The following HFM1 variants were observed in gnomAD, a reference collection of about 807,000 sequenced individuals.
HFM1 encodes the protein helicase for meiosis 1.
Under a neutral mutation model 192.1 loss-of-function variants are expected in HFM1, and 169 were observed. The observed-to-expected ratio is 0.88, with a 90% CI of 0.78 to 1.00. The LOEUF (loss-of-function observed/expected upper bound fraction) is 1.00, where lower values mean the gene tolerates loss of function less well. HFM1 is among the 50% of genes least tolerant of loss of function. The probability of loss-of-function intolerance (pLI) is 0.00; values close to 1 mark genes in which losing one functional copy is unlikely to be tolerated. For synonymous variants in HFM1, 525 were observed against 537.8 expected, an observed-to-expected ratio of 0.98 and a Z score of 0.33; for missense variants, 1,661 against 1,668.0, an observed-to-expected ratio of 1.00 and a Z score of 0.07.
Position 91,344,546 on chromosome 1 carries a change from A to C in HFM1, c.2255-1036T>G, listed in dbSNP as rs1655850603. On this transcript the variant is annotated intron_variant, in intron 19 of 38. Transcript: ENST00000370425. The stretch of plus-strand genomic sequence containing the variant: ...TATGTTTACAGCAGTTAACAAGATA[A>C]GGTTCTTCTCTTTAGAACTTATATT... Among the ~76,000 whole-genome samples, 2 of 152,332 alleles carry C rather than the reference A, an allele frequency of 1.3e-5. 1 individual carries two copies. The highest frequency in any genetic ancestry group is 3.9e-4 in the East Asian group (2 of 5,190).
At chr1:91,341,214 C>A (rs1407920131) in intron 20 of HFM1, among the ~76,000 whole-genome samples, 6 of 151,598 alleles carry the variant, frequency 4.0e-5, no homozygotes, top group South Asian at 4.2e-4. Context: ...TCAACAAATT[C>A]AAAAAAAATC....
At chr1:91,296,932 C>T (rs1647692204) in intron 30 of HFM1, among the ~76,000 whole-genome samples, 1 of 152,152 alleles carries the variant, frequency 6.6e-6, no homozygotes, top group African/African-American at 2.4e-5. Flanking sequence ...TGGGGAATGT[C>T]AGACAGTGGG....
chr1:91,362,707 A>G (rs936974831), intron 13 of HFM1, among the ~76,000 whole-genome samples: 1 of 152,170 alleles, frequency 6.6e-6, no homozygotes, highest in African/African-American at 2.4e-5. Context: ...TAAAATTTAT[A>G]TGGAACCAAA....
At chr1:91,366,519 C>A (rs1425034312) in intron 13 of HFM1, among the ~76,000 whole-genome samples, 1 of 152,156 alleles carries the variant, frequency 6.6e-6, no homozygotes, top group Non-Finnish European at 1.5e-5. Context: ...CTACCCTATA[C>A]CTACACGTTT....
Position 91,338,861 on chromosome 1 carries a change from CAT to C in HFM1, c.2335+4567_2335+4568del, listed in dbSNP as rs757519868. On this transcript the variant is annotated intron_variant, in intron 20 of 38. Coordinates refer to ENST00000370425, the MANE Select transcript of HFM1 (RefSeq NM_001017975.6). ...CTATACAGCCACTGTTGGCATTACACATGAGTGCGTAACCTTCTGCCACTGCC... is the reference window on the plus strand; with the variant it reads ...CTATACAGCCACTGTTGGCATTACACGAGTGCGTAACCTTCTGCCACTGCC... 1.1e-3 allele frequency: 502 copies of C among 452,658 alleles called. 1 individual carries two copies. The highest frequency in any genetic ancestry group is 1.8e-3 in the South Asian group (113 of 63,920). 28.0% of individuals were successfully genotyped at this position (452,658 alleles called of 1,614,324 possible).
Position 91,312,224 on chromosome 1 carries a change from G to C in HFM1, c.3391+1125C>G, listed in dbSNP as rs540710500. Among the ~76,000 whole-genome samples, 305 of 152,258 alleles carry C rather than the reference G, an allele frequency of 2.0e-3. 4 individuals carry two copies. The highest frequency in any genetic ancestry group is 7.1e-3 in the African/African-American group (297 of 41,542). ...GTGGGGTGCTGCCTAGTGGAGCTGT[G>C]AGAAGAGGGCCACCATCCTCCAGAC... On this transcript the variant is annotated intron_variant, in intron 30 of 38. Transcript: ENST00000370425.
At chr1:91,333,745 T>C (rs1654162100) in intron 20 of HFM1, among the ~76,000 whole-genome samples, 1 of 152,142 alleles carries the variant, frequency 6.6e-6, no homozygotes, top group Non-Finnish European at 1.5e-5. Flanking sequence ...TACTTACCAT[T>C]TACCGACAAA....
intron 30 of HFM1, among the ~76,000 whole-genome samples, chr1:91,302,794 G>GA (rs1649023993): frequency 1.4e-5 from 2 of 143,928 alleles, no homozygotes; most frequent in South Asian, 4.7e-4. Flanking sequence ...GGGTGGGGGG[G>GA]AGGGGGAAGG....
intron 30 of HFM1, among the ~76,000 whole-genome samples, chr1:91,290,854 T>A (rs1668661714): frequency 6.6e-6 from 1 of 152,076 alleles, no homozygotes; most frequent in African/African-American, 2.4e-5. Flanking sequence ...AAACTATCTC[T>A]CAGACCACAG....
At chr1:91,318,337 A>C (rs1199512646) in intron 25 of HFM1, among the ~76,000 whole-genome samples, 1 of 152,230 alleles carries the variant, frequency 6.6e-6, no homozygotes, top group Admixed American at 6.5e-5. Context: ...TGTTCAAATA[A>C]ATAACAAAAC....
In HFM1 at chr1:91,282,841, A is replaced by C. The variant is rs113073778; in HGVS notation, c.3392-5779T>G. 8.5e-3 allele frequency among the ~76,000 whole-genome samples: 1,287 copies of C among 152,294 alleles called. 10 individuals are homozygous for C. Among genetic ancestry groups the C allele is most frequent in the Non-Finnish European group, 0.012 (787 of 68,032 alleles). On this transcript the variant is annotated intron_variant, in intron 30 of 38. Transcript: ENST00000370425. ...AAAGAGTTGCCTTTGGGTCTTAAAT[A>C]CTAAAGAACTTCTAAAAAAGATGCA...
chr1:91,326,602 T>C (rs1359305645), intron 20 of HFM1, among the ~76,000 whole-genome samples: 2 of 152,206 alleles, frequency 1.3e-5, no homozygotes, highest in African/African-American at 4.8e-5. Flanking sequence ...ACGTGTCCTC[T>C]AAGAAATGTT....
chr1:91,356,528 C>G (rs912542619), intron 13 of HFM1, among the ~76,000 whole-genome samples: 1 of 151,612 alleles, frequency 6.6e-6, no homozygotes, highest in East Asian at 1.9e-4. Flanking sequence ...AAATAGACAG[C>G]CTAACATTAT....
At chr1:91,268,957 T>A (rs886588037) in intron 34 of HFM1, among the ~76,000 whole-genome samples, 1 of 152,122 alleles carries the variant, frequency 6.6e-6, no homozygotes, top group African/African-American at 2.4e-5. Flanking sequence ...CTGAATTAGA[T>A]AGTAATTTTC....
intron 30 of HFM1, among the ~76,000 whole-genome samples, chr1:91,283,665 T>C (rs1359902452): frequency 6.6e-6 from 1 of 152,198 alleles, no homozygotes; most frequent in East Asian, 1.9e-4. Flanking sequence ...TTAATTTACA[T>C]GTTATAAAGT....
intron 20 of HFM1, among the ~76,000 whole-genome samples, chr1:91,325,495 A>T (rs983142695): frequency 2.0e-5 from 3 of 152,224 alleles, no homozygotes; most frequent in Admixed American, 1.3e-4. Context: ...GTAAGGGAAA[A>T]GAACAAGAGT....
At chr1:91,267,560 A>AG (rs1024684973) in intron 35 of HFM1, among the ~76,000 whole-genome samples, 185 bp downstream of exon 35, 17 of 149,926 alleles carry the variant, frequency 1.1e-4, no homozygotes, top group Admixed American at 2.0e-4. Flanking sequence ...CTCTGTTCTT[A>AG]GGGGGGAAAT....
At chr1:91,328,540 C>T (rs1230655810) in intron 20 of HFM1, 6 of 1,612,508 alleles carry the variant, frequency 3.7e-6, no homozygotes, top group African/African-American at 2.7e-5. Context: ...GGATGTGCTG[C>T]AGAACGAGGA....
At chr1:91,372,575 T>C (rs1342739987) in intron 13 of HFM1, among the ~76,000 whole-genome samples, 1 of 151,876 alleles carries the variant, frequency 6.6e-6, no homozygotes, top group East Asian at 1.9e-4. Flanking sequence ...CATCACACAC[T>C]GGGGCCTGTT....
Sources: gnomAD v4.1 joint callset for allele counts (sites outside exome capture counted in the v4.1 genomes callset) on GRCh38, gnomAD v4.1.1 for gene constraint, MANE v1.5 for transcripts, NCBI Gene and HGNC (gene_info 2026-07-23, HGNC 2026-07-21) for gene names.